SLC27A2: variants seen among roughly 807,000 people sequenced by gnomAD.
The protein encoded by SLC27A2 is solute carrier family 27 member 2.
In SLC27A2, 54 loss-of-function variants were observed where a neutral mutation model predicts 60.0. The ratio of observed to expected loss-of-function variants is 0.90; its 90% CI spans 0.72 to 1.13. The LOEUF (loss-of-function observed/expected upper bound fraction) is 1.13. Among genes scored for constraint, SLC27A2 ranks in the 50% most tolerant of loss-of-function variants. SLC27A2 has a pLI of 0.00. For synonymous variants in SLC27A2, 297 were observed against 297.6 expected (o/e 1.00, Z 0.02); for missense variants, 739 against 777.6 (o/e 0.95, Z 0.59).
intron 6 of SLC27A2, 120 bp from the exon 7 acceptor site, chr15:50,226,860 A>G: frequency 1.4e-6 from 1 of 717,286 alleles, no homozygotes; most frequent in South Asian, 1.9e-5. Context: ...ATGCATGGAA[A>G]ATGATACTTC....
intron 1 of SLC27A2, among the ~76,000 whole-genome samples, chr15:50,184,292 C>T (rs1334473728): frequency 6.6e-6 from 1 of 152,072 alleles, no homozygotes; most frequent in Non-Finnish European, 1.5e-5. Context: ...CACACCCAGC[C>T]TCTTTCCTAC....
At chr15:50,207,852 A>T (rs1162037398) in intron 4 of SLC27A2, among the ~76,000 whole-genome samples, 1 of 151,894 alleles carries the variant, frequency 6.6e-6, no homozygotes, top group Non-Finnish European at 1.5e-5. Flanking sequence ...CAAGCAGGAG[A>T]TCTATGCAAA....
At position 50,189,315 on chromosome 15, in the gene SLC27A2, G is replaced by T. The variant is rs79704705; in HGVS notation, c.478+6410G>T. Among the ~76,000 whole-genome samples, 925 of 152,126 alleles carry T rather than the reference G, an allele frequency of 6.1e-3. 10 individuals carry two copies. The highest frequency in any genetic ancestry group is 0.021 in the African/African-American group (886 of 41,542). Reference sequence around the variant, plus strand: ...TCCAGCTCTCTGGCAGTACATGGTAGGACAGCGGTGCTCTCCTTGGGTCTC... The same window carrying T: ...TCCAGCTCTCTGGCAGTACATGGTATGACAGCGGTGCTCTCCTTGGGTCTC... On this transcript the variant is annotated intron_variant, in intron 1 of 9. Transcript: ENST00000267842.
In SLC27A2 at chr15:50,182,887, G is replaced by T. The variant is rs754414676; in HGVS notation, c.460G>T (p.Val154Leu). 7 of 1,608,572 alleles carry T rather than the reference G, an allele frequency of 4.4e-6. No individual in the cohort carries two copies. The highest frequency in any genetic ancestry group is 5.9e-6 in the Non-Finnish European group (7 of 1,177,846). Residue 154 changes from valine to leucine, a missense_variant, in exon 1 of 10, where the codon GTG (valine) becomes TTG (leucine). Val to Leu is a conservative substitution (Grantham distance 32). Coordinates refer to ENST00000267842, the MANE Select transcript of SLC27A2 (RefSeq NM_003645.4). Reference sequence around the variant, plus strand: ...CTGCTTCCAGTGCTGCGGGGCGAAGGTGCTGCTGGTGTCGCCAGGTGAGCC... The same window carrying T: ...CTGCTTCCAGTGCTGCGGGGCGAAGTTGCTGCTGGTGTCGCCAGGTGAGCC... The part of the protein sequence containing the change: ...LHCFQCCGAK[V>L]LLVSPELQAA...
In SLC27A2 at chr15:50,216,595, G is replaced by GGTGTGT. The variant is rs371273005; in HGVS notation, c.973-6359_973-6354dup. 8.0e-3 allele frequency among the ~76,000 whole-genome samples: 554 copies of GGTGTGT among 69,514 alleles called. 15 individuals are homozygous for GGTGTGT. The highest frequency in any genetic ancestry group is 0.028 in the African/African-American group (535 of 19,306). 45.6% of individuals were successfully genotyped at this position (69,514 alleles called of 152,430 possible). ...ATCAACAAGTGGATAAAGAAACTGTGGTGTGTGTGTGTGTGTATATATATA... is the reference window on the plus strand; with the variant it reads ...ATCAACAAGTGGATAAAGAAACTGTGGTGTGTGTGTGTGTGTGTGTGTATATATATA... On this transcript the variant is annotated intron_variant, in intron 4 of 9. Transcript: ENST00000267842.
intron 4 of SLC27A2, among the ~76,000 whole-genome samples, chr15:50,206,424 A>G (rs1200831671): frequency 6.6e-6 from 1 of 152,178 alleles, no homozygotes; most frequent in East Asian, 1.9e-4. Flanking sequence ...TGCTATTGAT[A>G]AGCACCTGTT....
At chr15:50,226,901 T>C (rs2045282200) in intron 6 of SLC27A2, 79 bp from the exon 7 acceptor site, 5 of 1,186,252 alleles carry the variant, frequency 4.2e-6, no homozygotes, top group South Asian at 2.9e-5. Context: ...GCAGGTTGTA[T>C]GGCATTAGTT....
rs2044881013 is a variant in SLC27A2 at position 50,183,054 on chromosome 15, AAAT to A, written c.478+153_478+155del. 3.8e-6 allele frequency: 3 copies of A among 794,884 alleles called. No individual in the cohort carries two copies. The South Asian group carries it at 5.1e-5, about 14-fold the overall frequency. The allele number at this position is 794,884 out of a possible 1,614,324, so 49.2% of individuals were successfully genotyped here. Reference sequence around the variant, plus strand: ...GGTTGGCAGTGTTTCCTTGAATCGCAAATAATGATCTTTTAGGACCACCTGTTG... The same window carrying A: ...GGTTGGCAGTGTTTCCTTGAATCGCAAATGATCTTTTAGGACCACCTGTTG... On this transcript the variant is annotated intron_variant, in intron 1 of 9. Coordinates refer to ENST00000267842, the MANE Select transcript of SLC27A2 (RefSeq NM_003645.4).
chr15:50,235,344 G>A (rs13329494), intron 9 of SLC27A2, among the ~76,000 whole-genome samples: 24,382 of 152,156 alleles, frequency 0.16, 2,063 homozygotes, highest in African/African-American at 0.21. Context: ...AGAGTTGTCT[G>A]TAAATGATCC....
chr15:50,186,213 C>T (rs946058621), intron 1 of SLC27A2, among the ~76,000 whole-genome samples: 17 of 152,208 alleles, frequency 1.1e-4, no homozygotes, highest in African/African-American at 3.9e-4. Flanking sequence ...CACTACACTC[C>T]GGCCTGGGTG....
intron 1 of SLC27A2, chr15:50,191,230 T>C (rs1004197210): frequency 9.9e-5 from 15 of 152,206 alleles, no homozygotes; most frequent in African/African-American, 3.6e-4. Context: ...AAATTTTAAA[T>C]GTTTGTTATT....
At chr15:50,211,302 C>T (rs1488994879) in intron 4 of SLC27A2, among the ~76,000 whole-genome samples, 1 of 152,200 alleles carries the variant, frequency 6.6e-6, no homozygotes, top group Non-Finnish European at 1.5e-5. Context: ...ATTCACATCA[C>T]AGGACTCTGT....
intron 1 of SLC27A2, among the ~76,000 whole-genome samples, chr15:50,186,424 G>GTTGTTTGTTTGTTTGT (rs144371898): frequency 6.6e-5 from 10 of 150,764 alleles, no homozygotes; most frequent in Admixed American, 2.6e-4. Flanking sequence ...GTTTTTCATT[G>GTTGTTTGTTTGTTTGT]TTGTTTGTTT....
intron 8 of SLC27A2, among the ~76,000 whole-genome samples, chr15:50,229,460 A>G (rs1303389327): frequency 3.3e-5 from 5 of 152,216 alleles, no homozygotes; most frequent in African/African-American, 7.2e-5. Flanking sequence ...CTTCTTTTTA[A>G]GATTTCTAAG....
intron 1 of SLC27A2, among the ~76,000 whole-genome samples, chr15:50,185,889 A>C (rs537020811): frequency 6.6e-6 from 1 of 151,894 alleles, no homozygotes; most frequent in South Asian, 2.1e-4. Context: ...TTGGCCTCCC[A>C]AAGTGCTGGG....
rs577766814 is a variant in SLC27A2, at chr15:50,183,994, C to CTTTTTTTTTTTTTTTTTT, written c.478+1090_478+1107dup. The stretch of plus-strand genomic sequence containing the variant: ...TTCGAAGCCATGCTCTTTCCTACAT[C>CTTTTTTTTTTTTTTTTTT]TTTTTTTTTTTTTTTTTTGACAGTC... On this transcript the variant is annotated intron_variant, in intron 1 of 9. Transcript: ENST00000267842. 1.0e-3 allele frequency among the ~76,000 whole-genome samples: 93 copies of CTTTTTTTTTTTTTTTTTT among 91,166 alleles called. 14 individuals are homozygous for CTTTTTTTTTTTTTTTTTT. Among genetic ancestry groups the CTTTTTTTTTTTTTTTTTT allele is most frequent in the Non-Finnish European group, 1.5e-3 (70 of 47,464 alleles). The allele number at this position is 91,166 out of a possible 152,430, so 59.8% of individuals were successfully genotyped here.
In SLC27A2 at chr15:50,182,761, G is replaced by C. The variant is rs1262254050; in HGVS notation, c.334G>C (p.Gly112Arg). 6.2e-7 allele frequency: 1 copy of C among 1,613,798 alleles called. No individual in the cohort carries two copies. The highest frequency in any genetic ancestry group is 1.3e-5 in the African/African-American group (1 of 74,944). ...RQGDCVALLM[G>R]NEPAYVWLWL... ...GGGAGACTGCGTGGCGCTCCTTATG[G>C]GTAACGAGCCGGCCTACGTGTGGCT... The change falls in exon 1 of 10, where the codon GGT becomes CGT. Residue 112 changes from glycine to arginine, a missense_variant. Physicochemically the swap from Gly to Arg is moderately radical, Grantham distance 125. Transcript: ENST00000267842.
At chr15:50,213,905 G>C (rs540050267) in intron 4 of SLC27A2, among the ~76,000 whole-genome samples, 3 of 151,816 alleles carry the variant, frequency 2.0e-5, no homozygotes, top group South Asian at 4.2e-4. Context: ...CAAGAAACTA[G>C]AGAAACAAGA....
intron 4 of SLC27A2, among the ~76,000 whole-genome samples, chr15:50,218,167 G>A (rs146057552): frequency 5.3e-5 from 8 of 150,398 alleles, no homozygotes; most frequent in African/African-American, 1.9e-4. Context: ...CAAGAATAGT[G>A]TACTGTTTTA....
Sources: gnomAD v4.1 joint callset for allele counts (sites outside exome capture counted in the v4.1 genomes callset) on GRCh38, gnomAD v4.1.1 for gene constraint, MANE v1.5 for transcripts, NCBI Gene and HGNC (gene_info 2026-07-23, HGNC 2026-07-21) for gene names.